NGLY1: variants seen among roughly 807,000 people sequenced by gnomAD.
NGLY1 encodes the protein peptide-N(4)-(N-acetyl-beta-glucosaminyl)asparagine amidase.
A neutral mutation model predicts 84.6 loss-of-function variants in NGLY1; 68 were observed. The observed-to-expected ratio is 0.80, with a 90% CI of 0.66 to 0.98. The LOEUF (loss-of-function observed/expected upper bound fraction) is 0.98. NGLY1 is among the 50% of genes least tolerant of loss of function. The pLI is 0.00. For synonymous variants in NGLY1, 280 were observed against 275.2 expected, an observed-to-expected ratio of 1.02 and a Z score of -0.17; for missense variants, 779 against 770.2, an observed-to-expected ratio of 1.01 and a Z score of -0.14.
At chr3:25,763,916 A>C (rs947408862) in intron 3 of NGLY1, 150 bp downstream of exon 3, 3 of 1,002,928 alleles carry the variant, frequency 3.0e-6, no homozygotes, top group Non-Finnish European at 4.3e-6. Flanking sequence ...TTTTTTAAAG[A>C]GCTGAAGAAA....
chr3:25,739,047 A>G (rs556482043), intron 5 of NGLY1, among the ~76,000 whole-genome samples: 1 of 152,330 alleles, frequency 6.6e-6, no homozygotes, highest in East Asian at 1.9e-4. Flanking sequence ...GACTGATAAT[A>G]ATAATGCTGA....
At chr3:25,786,237 C>T (rs1408173069), upstream of NGLY1, among the ~76,000 whole-genome samples, 5 of 151,838 alleles carry the variant, frequency 3.3e-5, no homozygotes, top group South Asian at 6.2e-4. Flanking sequence ...GCAGGAGAAT[C>T]GCTTGAACCC....
chr3:25,743,209 T>C (rs1206482689), intron 4 of NGLY1, among the ~76,000 whole-genome samples: 1 of 152,202 alleles, frequency 6.6e-6, no homozygotes, highest in Non-Finnish European at 1.5e-5. Context: ...CCCGCTGTGA[T>C]AATGATTTTG....
intron 4 of NGLY1, among the ~76,000 whole-genome samples, chr3:25,747,589 GAT>G: frequency 6.6e-6 from 1 of 152,182 alleles, no homozygotes; most frequent in Non-Finnish European, 1.5e-5. Flanking sequence ...TAAGCCTTCA[GAT>G]GGATTTCTGG....
chr3:25,773,722 G>A (rs1010854023), intron 2 of NGLY1, among the ~76,000 whole-genome samples: 8 of 152,054 alleles, frequency 5.3e-5, no homozygotes, highest in African/African-American at 1.9e-4. Context: ...TGTTTTTCTG[G>A]TTCCTCCTCA....
At chr3:25,723,096 T>C (rs1705087307) in intron 10 of NGLY1, among the ~76,000 whole-genome samples, 1 of 152,344 alleles carries the variant, frequency 6.6e-6, no homozygotes, top group African/African-American at 2.4e-5. Flanking sequence ...GGGTATAAAA[T>C]ATGATAGGCT....
chr3:25,739,889 A>G, intron 4 of NGLY1, 90 bp from the exon 5 acceptor site: 1 of 958,122 alleles, frequency 1.0e-6, no homozygotes, highest in South Asian at 1.7e-5. Context: ...GAACCTGAAA[A>G]ATATGAAAAC....
intron 2 of NGLY1, among the ~76,000 whole-genome samples, chr3:25,765,975 C>A (rs1247003732): frequency 6.6e-6 from 1 of 152,080 alleles, no homozygotes; most frequent in Non-Finnish European, 1.5e-5. Flanking sequence ...AAATGATCCT[C>A]CCACCTCAGC....
At chr3:25,733,776 C>T in intron 8 of NGLY1, 96 bp downstream of exon 8, 1 of 572,380 alleles carries the variant, frequency 1.7e-6, no homozygotes, top group East Asian at 3.1e-5. Flanking sequence ...TAAAACAATG[C>T]TACTACTTTA....
chr3:25,758,435 T>G (rs1304956835), intron 3 of NGLY1, among the ~76,000 whole-genome samples: 3 of 151,946 alleles, frequency 2.0e-5, no homozygotes, highest in African/African-American at 7.3e-5. Flanking sequence ...AAAAATTAGC[T>G]GGGCTTGGGG....
At chr3:25,751,496 A>G (rs1706751877) in intron 3 of NGLY1, among the ~76,000 whole-genome samples, 1 of 152,204 alleles carries the variant, frequency 6.6e-6, no homozygotes, top group African/African-American at 2.4e-5. Flanking sequence ...TATTAAGGAT[A>G]TATTTAAATA....
chr3:25,769,262 G>A (rs536317183), intron 2 of NGLY1, among the ~76,000 whole-genome samples: 1 of 152,300 alleles, frequency 6.6e-6, no homozygotes, highest in African/African-American at 2.4e-5. Context: ...TCAGGAGGTT[G>A]AGGCAGGAGA....
At chr3:25,732,286 A>G (rs1705574848) in intron 9 of NGLY1, 33 bp downstream of exon 9, 1 of 1,604,288 alleles carries the variant, frequency 6.2e-7, no homozygotes. Context: ...GCAGGAAAGT[A>G]AAAGGATCAT....
intron 2 of NGLY1, among the ~76,000 whole-genome samples, chr3:25,773,211 C>A (rs1707982457): frequency 6.6e-6 from 1 of 152,074 alleles, no homozygotes; most frequent in Non-Finnish European, 1.5e-5. Context: ...TCAATTATTC[C>A]CTCAAATATG....
At chr3:25,744,759 G>C (rs573302119) in intron 4 of NGLY1, among the ~76,000 whole-genome samples, 1 of 152,318 alleles carries the variant, frequency 6.6e-6, no homozygotes, top group African/African-American at 2.4e-5. Flanking sequence ...TCAAATTAGA[G>C]ATAAAACCTT....
chr3:25,732,860 C>T (rs188396365), intron 8 of NGLY1, among the ~76,000 whole-genome samples: 289 of 152,230 alleles, frequency 1.9e-3, no homozygotes, highest in Non-Finnish European at 3.4e-3. Context: ...CATATAAACA[C>T]CTGTTTGAGT....
rs10780014 is a variant in NGLY1, at chr3:25,732,106, T to G, written c.1425+213A>C. The stretch of plus-strand genomic sequence containing the variant: ...AAAATTTACATAAGGTAAAAAAAAT[T>G]TTAAGTCCCATTTTAAAAATGCTTT... On this transcript the variant is annotated intron_variant, in intron 9 of 11. Coordinates refer to ENST00000280700, the MANE Select transcript of NGLY1 (RefSeq NM_018297.4). 0.72 allele frequency among the ~76,000 whole-genome samples: 109,023 copies of G among 152,076 alleles called. 41,814 individuals are homozygous for G. The highest frequency in any genetic ancestry group is 0.94 in the East Asian group (4,877 of 5,188).
intron 2 of NGLY1, among the ~76,000 whole-genome samples, chr3:25,772,645 T>G (rs1707952481): frequency 6.6e-6 from 1 of 152,230 alleles, no homozygotes; most frequent in South Asian, 2.1e-4. Context: ...AGTACTGAGA[T>G]GTGAGGTACT....
At chr3:25,755,701 T>TCTA in intron 3 of NGLY1, 1 of 1,366,962 alleles carries the variant, frequency 7.3e-7, no homozygotes, top group Non-Finnish European at 1.0e-6. Flanking sequence ...CTAGTCTAGA[T>TCTA]GCATTTCAAA....
Sources: gnomAD v4.1 joint callset for allele counts (sites outside exome capture counted in the v4.1 genomes callset) on GRCh38, gnomAD v4.1.1 for gene constraint, MANE v1.5 for transcripts, NCBI Gene and HGNC (gene_info 2026-07-23, HGNC 2026-07-21) for gene names.